Variants in HIC1 observed in about 807,000 individuals in gnomAD.
The protein encoded by HIC1 is hypermethylated in cancer 1 protein.
Under a neutral mutation model 26.4 loss-of-function variants are expected in HIC1, and 9 were observed. The ratio of observed to expected loss-of-function variants is 0.34; its 90% CI spans 0.21 to 0.59. The LOEUF (loss-of-function observed/expected upper bound fraction) is 0.59. Ranked by LOEUF, HIC1 falls within the 20% of genes least tolerant of loss-of-function variation. HIC1 has a pLI of 0.82. For missense variants in HIC1, 965 were observed against 1,075.7 expected (o/e 0.90, Z 1.44); for synonymous variants, 631 against 523.1 (o/e 1.21, Z -2.81).
chr17:2,056,607 CG>C, intron 1 of HIC1, 63 bp from the exon 2 acceptor site: 1 of 1,464,446 alleles, frequency 6.8e-7, no homozygotes, highest in Non-Finnish European at 9.0e-7. Context: ...GGAGAAGTGC[CG>C]GGCTGGGGCC....
In HIC1 at chr17:2,057,380, G is replaced by T; in HGVS notation, c.690G>T (p.Pro230=). ...LCGLDLSKKS[P]PGSAAPERPL... is the part of the protein sequence containing the mutation. ...GCCTGGACCTGTCCAAGAAGAGCCC[G>T]CCGGGCTCCGCGGCGCCAGAGCGGC... Residue 230 remains proline, a synonymous_variant, in exon 2 of 2, where the codon CCG becomes CCT. Coordinates refer to ENST00000619757, the MANE Select transcript of HIC1 (RefSeq NM_006497.4). The T allele has an allele frequency of 6.9e-7, 1 of 1,447,420 alleles. No homozygotes were observed. The highest frequency in any genetic ancestry group is 1.5e-5 in the African/African-American group (1 of 67,464). 89.7% of individuals were successfully genotyped at this position (1,447,420 alleles called of 1,614,324 possible). A position where few individuals can be genotyped will look rare whatever the true frequency, so the allele number is the denominator to read the frequency against.
rs1420620804 is a variant in HIC1 at position 2,057,534 on chromosome 17, G to A, written c.844G>A (p.Ala282Thr). 3 of 1,496,034 alleles carry A rather than the reference G, an allele frequency of 2.0e-6. No homozygotes were observed. Among genetic ancestry groups the A allele is most frequent in the Admixed American group, 4.2e-5 (2 of 47,690 alleles). The allele number at this position is 1,496,034 out of a possible 1,614,324, so 92.7% of individuals were successfully genotyped here. Residue 282 changes from alanine (A) to threonine (T), a missense_variant, in exon 2 of 2, where the codon GCA becomes ACA. This residue lies in a region of HIC1 where 526 missense variants were observed against 525.0 expected (regional missense o/e 1.00). Transcript: ENST00000619757. Reference protein sequence around the residue: ...PLPFQKLEEAAPPSDPFRGGS... With the variant: ...PLPFQKLEEATPPSDPFRGGS... ...GCCCTTCCAGAAGCTGGAGGAGGCCGCACCGCCTTCCGACCCATTTCGCGG... is the reference window on the plus strand; with the variant it reads ...GCCCTTCCAGAAGCTGGAGGAGGCCACACCGCCTTCCGACCCATTTCGCGG...
chr17:2,056,854 C>A lies in HIC1; in HGVS notation c.164C>A (p.Ser55Tyr), dbSNP rs1003950764. ...GCGGCCAGCAGCGCCTACCTCAAGTCCCTGGTGGTGCATGACAACCTGCTC... is the reference window on the plus strand; with the variant it reads ...GCGGCCAGCAGCGCCTACCTCAAGTACCTGGTGGTGCATGACAACCTGCTC... ...VLAASSAYLK[S>Y]LVVHDNLLNL... The change falls in exon 2 of 2, where the codon TCC becomes TAC. Residue 55 changes from serine to tyrosine, a missense_variant. Around this residue, in one of 6 missense-constraint regions of HIC1, gnomAD observed 64 missense variants for 114.0 expected, o/e 0.56. Transcript: ENST00000619757. The A allele has an allele frequency of 1.2e-6, 2 of 1,612,868 alleles. No homozygotes were observed. Among genetic ancestry groups the A allele is most frequent in the Non-Finnish European group, 1.7e-6 (2 of 1,179,952 alleles).
At position 2,057,647 on chromosome 17, in the gene HIC1, G is replaced by A. The variant is rs533705119; in HGVS notation, c.957G>A (p.Leu319=). The A allele has an allele frequency of 2.6e-6, 4 of 1,515,536 alleles. No homozygotes were observed. The African/African-American group carries it at 4.3e-5, about 16-fold the overall frequency. 93.9% of individuals were successfully genotyped at this position (1,515,536 alleles called of 1,614,324 possible). ...GCTGGATGAAGCACGAGCCGGGCCT[G>A]GGTAGCTATGGCGACGAGCTGGGCC... ...LYRWMKHEPG[L]GSYGDELGRE... The change falls in exon 2 of 2, where the codon CTG becomes CTA. Residue 319 remains leucine, a synonymous_variant. Transcript: ENST00000619757.
intron 1 of HIC1, chr17:2,056,378 A>T (rs771910617): frequency 6.2e-7 from 1 of 1,606,212 alleles, no homozygotes; most frequent in South Asian, 1.1e-5. Context: ...ACTGCGCCTG[A>T]ACAGTTTTCT....
At chr17:2,056,246 G>A (rs1567556001) in intron 1 of HIC1, 1 of 1,422,434 alleles carries the variant, frequency 7.0e-7, no homozygotes, top group South Asian at 1.1e-5. Flanking sequence ...AACTTCTCCC[G>A]AGGCGGGAGG....
At chr17:2,056,365 G>C (rs371896054) in intron 1 of HIC1, 1 of 1,611,250 alleles carries the variant, frequency 6.2e-7, no homozygotes, top group East Asian at 2.2e-5. Flanking sequence ...CTCCAAAAGG[G>C]TCACTGCGCC....
At position 2,057,941 on chromosome 17, in the gene HIC1, G is replaced by A. The variant is rs2067689834; in HGVS notation, c.1251G>A (p.Leu417=). The A allele has an allele frequency of 9.3e-6, 15 of 1,610,616 alleles. No individual in the cohort carries two copies. Among genetic ancestry groups the A allele is most frequent in the Admixed American group, 1.7e-5 (1 of 59,760 alleles). Reference sequence around the variant, plus strand: ...AGCCCGAGAGCTTCGGTGACAACCTGTACGTGTGCATTCCGTGCGGCAAGG... The same window carrying A: ...AGCCCGAGAGCTTCGGTGACAACCTATACGTGTGCATTCCGTGCGGCAAGG... The part of the protein sequence containing the change: ...YGEPESFGDN[L]YVCIPCGKGF... Residue 417 remains leucine, a synonymous_variant, in exon 2 of 2, where the codon CTG becomes CTA. Transcript: ENST00000619757.
rs781489763 is a variant in HIC1, at chr17:2,058,853, C to G, written c.*18C>G. 7.1e-7 allele frequency: 1 copy of G among 1,417,840 alleles called. No homozygotes were observed. Among genetic ancestry groups the G allele is most frequent in the Non-Finnish European group, 9.2e-7 (1 of 1,089,856 alleles). The allele number at this position is 1,417,840 out of a possible 1,614,324, so 87.8% of individuals were successfully genotyped here. A position where few individuals can be genotyped will look rare whatever the true frequency, so the allele number is the denominator to read the frequency against. ...CCACCTAGAGCGCCCCTCGCCAGCC[C>G]GCTCTGTCGCTGCTGCGCGGCCCTG... On this transcript the variant is annotated 3_prime_UTR_variant, in exon 2 of 2. Coordinates refer to ENST00000619757, the MANE Select transcript of HIC1 (RefSeq NM_006497.4).
rs2067666482 is a variant in HIC1, at chr17:2,055,808, CT to C, written c.-21+574del. ...TCCCGCCCTGTCTGCAGTTGGAAAA[CT>C]TTTCCCCAAGTTTGGGGCGGCGGAG... is the stretch of plus-strand genomic sequence containing the variant. On this transcript the variant is annotated intron_variant, in intron 1 of 1. Coordinates refer to ENST00000619757, the MANE Select transcript of HIC1 (RefSeq NM_006497.4). This position sits in a 1 kb window ranked among gnomAD's most constrained non-coding sequence, Gnocchi z 6.4. 6.6e-6 allele frequency among the ~76,000 whole-genome samples: 1 copy of C among 151,674 alleles called. No individual in the cohort carries two copies. Among genetic ancestry groups the C allele is most frequent in the African/African-American group, 2.4e-5 (1 of 41,366 alleles).
At position 2,057,785 on chromosome 17, in the gene HIC1, G is replaced by A; in HGVS notation, c.1095G>A (p.Leu365=). The change falls in exon 2 of 2, where the codon CTG becomes CTA. Residue 365 remains leucine, a synonymous_variant. Coordinates refer to ENST00000619757, the MANE Select transcript of HIC1 (RefSeq NM_006497.4). The stretch of plus-strand genomic sequence containing the variant: ...CGCCGCCGCGCTACCCTGGCAGCCT[G>A]GACGGGCCCGGCGCGGGCGGCGACG... ...LAPPPRYPGS[L]DGPGAGGDGD... is the part of the protein sequence containing the mutation. 1 of 1,521,164 alleles carries A rather than the reference G, an allele frequency of 6.6e-7. No individual in the cohort carries two copies. The highest frequency in any genetic ancestry group is 8.8e-7 in the Non-Finnish European group (1 of 1,139,814). The allele number at this position is 1,521,164 out of a possible 1,614,324, so 94.2% of individuals were successfully genotyped here.
rs2067688174 is a variant in HIC1, at chr17:2,057,840, A to G, written c.1150A>G (p.Thr384Ala). The change falls in exon 2 of 2, where the codon ACC becomes GCC. Residue 384 changes from threonine (T) to alanine (A), a missense_variant. This residue lies in a region of HIC1 where 526 missense variants were observed against 525.0 expected (regional missense o/e 1.00). Coordinates refer to ENST00000619757, the MANE Select transcript of HIC1 (RefSeq NM_006497.4). ...GDDYKSSSEE[T>A]GSSEDPSPPG... Reference sequence around the variant, plus strand: ...CGACTACAAGAGCAGCAGCGAGGAGACCGGTAGCAGCGAGGACCCCAGCCC... The same window carrying G: ...CGACTACAAGAGCAGCAGCGAGGAGGCCGGTAGCAGCGAGGACCCCAGCCC... 6.3e-7 allele frequency: 1 copy of G among 1,581,504 alleles called. No individual in the cohort carries two copies. Among genetic ancestry groups the G allele is most frequent in the Non-Finnish European group, 8.6e-7 (1 of 1,165,552 alleles).
rs1274003107 is a variant in HIC1, at chr17:2,058,157, C to T, written c.1467C>T (p.Arg489=). 4.4e-6 allele frequency: 7 copies of T among 1,609,068 alleles called. No homozygotes were observed. Among genetic ancestry groups the T allele is most frequent in the South Asian group, 1.1e-5 (1 of 91,012 alleles). ...TGGGAGAGCTGCTGCGGCCCTACCGCTGCGCGTCGTGCGACAAGAGCTACA... is the reference window on the plus strand; with the variant it reads ...TGGGAGAGCTGCTGCGGCCCTACCGTTGCGCGTCGTGCGACAAGAGCTACA... ...GGLGELLRPY[R]CASCDKSYKD... Residue 489 remains arginine (R), a synonymous_variant, in exon 2 of 2, where the codon CGC becomes CGT. Transcript: ENST00000619757.
rs535246535 is a variant in HIC1, at chr17:2,058,746, C to G, written c.2056C>G (p.Pro686Ala). The G allele has an allele frequency of 3.3e-6, 5 of 1,527,768 alleles. No homozygotes were observed. In the South Asian group the frequency reaches 4.9e-5, roughly 15 times the overall value. 94.6% of individuals were successfully genotyped at this position (1,527,768 alleles called of 1,614,324 possible). Residue 686 changes from proline to alanine, a missense_variant, in exon 2 of 2, where the codon CCC (proline) becomes GCC (alanine). Pro to Ala is a conservative substitution (Grantham distance 27, BLOSUM62 -1). Coordinates refer to ENST00000619757, the MANE Select transcript of HIC1 (RefSeq NM_006497.4). ...AKFTAELGLS[P>A]DKAAEVLSQG... ...GTTCACGGCCGAGCTGGGCCTCAGC[C>G]CCGACAAGGCGGCCGAGGTGCTGAG...
chr17:2,058,454 C>T lies in HIC1; in HGVS notation c.1764C>T (p.Ile588=). ...GGKFAQQRNL[I]SHMKMHAVGG... is the part of the protein sequence containing the mutation. ...AGTTCGCACAGCAACGCAACCTCAT[C>T]AGCCACATGAAGATGCACGCCGTGG... Residue 588 remains isoleucine (I), a synonymous_variant, in exon 2 of 2, where the codon ATC becomes ATT. Coordinates refer to ENST00000619757, the MANE Select transcript of HIC1 (RefSeq NM_006497.4). 1 of 1,590,076 alleles carries T rather than the reference C, an allele frequency of 6.3e-7. No homozygotes were observed. The highest frequency in any genetic ancestry group is 8.6e-7 in the Non-Finnish European group (1 of 1,169,328).
chr17:2,056,596 GGGAGAAGTGCCGGGCTGGGGCCA>G, intron 1 of HIC1, 52 bp from the exon 2 acceptor site: 2 of 1,460,744 alleles, frequency 1.4e-6, no homozygotes, highest in Non-Finnish European at 1.8e-6. Context: ...GGAAGTGGAG[GGGAGAAGTGCCGGGCTGGGGCCA>G]GGCGGCCAGG....
At position 2,059,482 on chromosome 17, in the gene HIC1, C is replaced by CTT; in HGVS notation, c.*648_*649dup. ...GTCTCCCACTCCCGCGGTGCCCTCC[C>CTT]TTCCCTTCCCTGCGGCCCCGGACCA... is the stretch of plus-strand genomic sequence containing the variant. On this transcript the variant is annotated 3_prime_UTR_variant, in exon 2 of 2. Transcript: ENST00000619757. The CTT allele has an allele frequency of 5.9e-6, 1 of 169,150 alleles. No homozygotes were observed. The allele number at this position is 169,150 out of a possible 1,614,324, so 10.5% of individuals were successfully genotyped here. A position where few individuals can be genotyped will look rare whatever the true frequency, so the allele number is the denominator to read the frequency against.
Position 2,061,601 on chromosome 17 carries a change from C to A in HIC1, c.*2766C>A, listed in dbSNP as rs867472768. On this transcript the variant is annotated 3_prime_UTR_variant, in exon 2 of 2. Coordinates refer to ENST00000619757, the MANE Select transcript of HIC1 (RefSeq NM_006497.4). ...GTCATCCGTCAACAGCACCACCTCC[C>A]GCAGTAGCCGGATTGGCTCCTCTGT... is the stretch of plus-strand genomic sequence containing the variant. 1 of 1,571,932 alleles carries A rather than the reference C, an allele frequency of 6.4e-7. No individual in the cohort carries two copies. The highest frequency in any genetic ancestry group is 2.4e-5 in the East Asian group (1 of 42,244).
At chr17:2,056,640 G>A (rs944364777) in intron 1 of HIC1, 31 bp from the exon 2 acceptor site, 6 of 1,504,110 alleles carry the variant, frequency 4.0e-6, no homozygotes, top group South Asian at 3.8e-5. Flanking sequence ...GCGCCGCACG[G>A]CTCTCACCCG....
Sources: allele counts gnomAD v4.1 joint callset (sites outside exome capture counted in the v4.1 genomes callset), GRCh38; gene constraint gnomAD v4.1.1; regional missense constraint gnomAD v4.1.1; non-coding constraint Gnocchi (gnomAD v3.1); transcripts MANE v1.5; gene names NCBI Gene and HGNC (gene_info 2026-07-23, HGNC 2026-07-21).